The following RMDN2 variants were observed in gnomAD, a reference collection of about 807,000 sequenced individuals.
RMDN2 encodes regulator of microtubule dynamics protein 2.
In RMDN2, 61 loss-of-function variants were observed where a neutral mutation model predicts 52.8. That is an observed-to-expected ratio of 1.16 (90% CI 0.94 to 1.43). RMDN2 has a LOEUF of 1.43. Among genes scored for constraint, RMDN2 ranks in the 40% most tolerant of loss-of-function variants. The probability of loss-of-function intolerance (pLI) is 0.00; values close to 1 mark genes in which losing one functional copy is unlikely to be tolerated. For synonymous variants in RMDN2, 180 were observed against 153.1 expected, an observed-to-expected ratio of 1.18 and a Z score of -1.30; for missense variants, 592 against 475.3, an observed-to-expected ratio of 1.25 and a Z score of -2.28.
chr2:37,951,588 A>G, intron 2 of RMDN2: 1 of 1,613,308 alleles, frequency 6.2e-7, no homozygotes. Flanking sequence ...TTCCCGCAGA[A>G]GACGTTTCTC....
chr2:37,933,536 G>A (rs921637668), intron 2 of RMDN2, among the ~76,000 whole-genome samples: 8 of 152,268 alleles, frequency 5.3e-5, no homozygotes, highest in Admixed American at 6.5e-5. Context: ...TCGGGAGGCC[G>A]AGGCTGGCGG....
intron 8 of RMDN2, among the ~76,000 whole-genome samples, chr2:38,003,569 T>TAGAC (rs1676620539): frequency 6.6e-6 from 1 of 150,652 alleles, no homozygotes; most frequent in Non-Finnish European, 1.5e-5. Flanking sequence ...GATAGATAGA[T>TAGAC]AGATAGATAG....
chr2:37,992,984 G>T (rs1272913622), intron 7 of RMDN2, among the ~76,000 whole-genome samples: 1 of 151,852 alleles, frequency 6.6e-6, no homozygotes, highest in Non-Finnish European at 1.5e-5. Context: ...GCATGATCTC[G>T]GCTCACTGCA....
intron 8 of RMDN2, among the ~76,000 whole-genome samples, chr2:37,999,070 G>A (rs1025343242): frequency 3.9e-5 from 6 of 152,152 alleles, no homozygotes; most frequent in Non-Finnish European, 8.8e-5. Flanking sequence ...TAATATCAAA[G>A]TTATAATTGA....
intron 8 of RMDN2, among the ~76,000 whole-genome samples, chr2:37,999,819 C>A (rs556631160): frequency 6.6e-6 from 1 of 152,146 alleles, no homozygotes; most frequent in East Asian, 1.9e-4. Flanking sequence ...CAGCTGGATC[C>A]CGTAGAGGTT....
intron 4 of RMDN2, among the ~76,000 whole-genome samples, chr2:37,977,295 C>T (rs1005181490): frequency 2.0e-5 from 3 of 152,230 alleles, no homozygotes; most frequent in African/African-American, 7.2e-5. Context: ...CACATTTCCC[C>T]CTTTTCTATT....
intron 6 of RMDN2, among the ~76,000 whole-genome samples, chr2:37,990,862 A>G (rs112157138): frequency 6.6e-6 from 1 of 152,190 alleles, no homozygotes; most frequent in Non-Finnish European, 1.5e-5. Flanking sequence ...TTTTTCTGCC[A>G]TTATCCCCTA....
chr2:37,952,712 G>A (rs894637915), intron 2 of RMDN2: 1 of 155,678 alleles, frequency 6.4e-6, no homozygotes, highest in Admixed American at 6.5e-5. Context: ...GACAGATAAT[G>A]TTTTTATTAA....
At chr2:37,959,458 C>T (rs967966701) in intron 2 of RMDN2, among the ~76,000 whole-genome samples, 3 of 150,986 alleles carry the variant, frequency 2.0e-5, no homozygotes, top group African/African-American at 7.4e-5. Context: ...TTATAGTACT[C>T]TCTGATGGTA....
At chr2:38,066,632 G>A (rs151190345) in intron 10 of RMDN2, among the ~76,000 whole-genome samples, 53 of 152,286 alleles carry the variant, frequency 3.5e-4, no homozygotes, top group African/African-American at 1.2e-3. Context: ...TAACAACCAC[G>A]CCTGTCTTAC....
At position 37,957,618 on chromosome 2, in the gene RMDN2, T is replaced by A. The variant is rs1253739932; in HGVS notation, c.453-16422T>A. ...TTGCCTGTTCACTCTGATGATAGTT[T>A]CTTTTACTGTGCAGAAGCTCTGTAG... is the stretch of plus-strand genomic sequence containing the variant. On this transcript the variant is annotated intron_variant, in intron 2 of 10. Coordinates refer to ENST00000354545, the MANE Select transcript of RMDN2 (RefSeq NM_001170791.3). Among the ~76,000 whole-genome samples the A allele has an allele frequency of 2.6e-5, 4 of 152,224 alleles. No homozygotes were observed. The East Asian group carries it at 7.7e-4, about 29-fold the overall frequency.
chr2:38,041,427 G>GTTTTTTTTTTTTTTTTTTTTTTGTTTTTT (rs3057329), intron 10 of RMDN2, among the ~76,000 whole-genome samples: 1 of 120,090 alleles, frequency 8.3e-6, no homozygotes, highest in Non-Finnish European at 1.6e-5. Flanking sequence ...TTTTTTATTG[G>GTTTTTTTTTTTTTTTTTTTTTTGTTTTTT]TTTTTTTTTT....
intron 2 of RMDN2, among the ~76,000 whole-genome samples, chr2:37,958,027 A>G (rs1044777532): frequency 2.0e-5 from 3 of 152,212 alleles, no homozygotes; most frequent in Admixed American, 2.0e-4. Flanking sequence ...TACCAGTACC[A>G]TGCTGTTTTG....
chr2:37,950,825 A>G (rs1024811713), intron 2 of RMDN2, among the ~76,000 whole-genome samples: 4 of 152,160 alleles, frequency 2.6e-5, no homozygotes, highest in African/African-American at 7.2e-5. Context: ...ATTTAAATAC[A>G]GTAGTTAGTA....
chr2:37,963,771 C>A (rs1177589980), intron 2 of RMDN2, among the ~76,000 whole-genome samples: 1 of 152,210 alleles, frequency 6.6e-6, no homozygotes, highest in South Asian at 2.1e-4. Context: ...CACATTTCCC[C>A]CCTTTCTATT....
intron 2 of RMDN2, among the ~76,000 whole-genome samples, chr2:37,954,059 T>G (rs1211483316): frequency 3.3e-5 from 5 of 152,030 alleles, no homozygotes; most frequent in African/African-American, 1.2e-4. Context: ...TTTGTTTTTT[T>G]GTTGATTTGT....
At chr2:37,948,069 G>A (rs999415761) in intron 2 of RMDN2, among the ~76,000 whole-genome samples, 3 of 152,264 alleles carry the variant, frequency 2.0e-5, no homozygotes, top group South Asian at 4.1e-4. Context: ...GTCATGACCC[G>A]TATGTTCTGG....
intron 10 of RMDN2, among the ~76,000 whole-genome samples, chr2:38,059,580 G>C (rs540443791): frequency 6.6e-6 from 1 of 152,160 alleles, no homozygotes; most frequent in Admixed American, 6.5e-5. Context: ...TGTTGGGAGC[G>C]TAGGGAACAG....
At chr2:37,990,141 T>TCA (rs1558518434) in intron 6 of RMDN2, among the ~76,000 whole-genome samples, 1 of 133,248 alleles carries the variant, frequency 7.5e-6, no homozygotes, top group African/African-American at 2.8e-5. Context: ...AGACTCCGTC[T>TCA]GAAAAAAAAA....
Sources: gnomAD v4.1 joint callset for allele counts (sites outside exome capture counted in the v4.1 genomes callset) on GRCh38, gnomAD v4.1.1 for gene constraint, MANE v1.5 for transcripts, NCBI Gene and HGNC (gene_info 2026-07-23, HGNC 2026-07-21) for gene names.